NPRL2: variants seen among roughly 807,000 people sequenced by gnomAD.
The protein encoded by NPRL2 is GATOR1 complex protein NPRL2.
In NPRL2, 21 loss-of-function variants were observed where a neutral mutation model predicts 51.1. The ratio of observed to expected loss-of-function variants is 0.41; its 90% CI spans 0.29 to 0.59. The LOEUF is 0.59. Among genes scored for constraint, NPRL2 ranks in the 20% least tolerant of loss-of-function variants. The pLI, the probability that NPRL2 is intolerant of heterozygous loss-of-function variation, is 0.29. For synonymous variants in NPRL2, 175 were observed against 187.8 expected, an observed-to-expected ratio of 0.93 and a Z score of 0.56; for missense variants, 376 against 483.4, an observed-to-expected ratio of 0.78 and a Z score of 2.08.
At position 50,349,082 on chromosome 3, in the gene NPRL2, C is replaced by T. The variant is rs1703657880; in HGVS notation, c.449-72G>A. On this transcript the variant is annotated intron_variant, in intron 4 of 10. Transcript: ENST00000232501. The surrounding 1 kb of genome is among the most constrained non-coding windows in gnomAD (Gnocchi z 4.6). ...GTCCTCAATTACCATCCAGGCCTCC[C>T]AGCATCCCTTGGGGCAAGCAGGTGC... 1.9e-6 allele frequency: 3 copies of T among 1,559,524 alleles called. No individual in the cohort carries two copies. The highest frequency in any genetic ancestry group is 1.8e-5 in the Admixed American group (1 of 55,252).
In NPRL2 at chr3:50,348,994, G is replaced by A. The variant is rs750292947; in HGVS notation, c.465C>T (p.Ile155=). The A allele has an allele frequency of 8.1e-6, 13 of 1,613,970 alleles. No homozygotes were observed. The Admixed American group carries it at 2.2e-4, about 27-fold the overall frequency. Residue 155 remains isoleucine (I), a synonymous_variant, in exon 5 of 11, where the codon ATC becomes ATT. Transcript: ENST00000232501. The surrounding 1 kb of genome is among the most constrained non-coding windows in gnomAD (Gnocchi z 5.8). The part of the protein sequence containing the change: ...CTLPIDESNT[I]HLKVIEQRPD... Reference sequence around the variant, plus strand: ...GCCGCTGCTCAATCACCTTCAAGTGGATGGTGTTGGACTCATCTGCAGGGG... The same window carrying A: ...GCCGCTGCTCAATCACCTTCAAGTGAATGGTGTTGGACTCATCTGCAGGGG...
rs936806511 is a variant in NPRL2, at chr3:50,348,297, C to T, written c.814+20G>A. On this transcript the variant is annotated intron_variant, in intron 8 of 10. Transcript: ENST00000232501. This position sits in a 1 kb window ranked among gnomAD's most constrained non-coding sequence, Gnocchi z 5.8. ...GGCCCTGCCCTCCCCAAGATGGCTT[C>T]CCCCAGAACCCACCACTACCTTGCT... 2 of 1,613,678 alleles carry T rather than the reference C, an allele frequency of 1.2e-6. No homozygotes were observed. Among genetic ancestry groups the T allele is most frequent in the African/African-American group, 1.3e-5 (1 of 74,922 alleles).
chr3:50,349,639 A>T lies in NPRL2; in HGVS notation c.339+26T>A, dbSNP rs368301992. ...ACCTTCCCCAACTCTGCCTGTCGGT[A>T]AACCCAAGCCCATCTCATTGCAGAC... On this transcript the variant is annotated intron_variant, in intron 3 of 10. Coordinates refer to ENST00000232501, the MANE Select transcript of NPRL2 (RefSeq NM_006545.5). This position sits in a 1 kb window ranked among gnomAD's most constrained non-coding sequence, Gnocchi z 4.6. The T allele has an allele frequency of 8.7e-6, 14 of 1,603,428 alleles. No homozygotes were observed. Among genetic ancestry groups the T allele is most frequent in the Non-Finnish European group, 1.2e-5 (14 of 1,172,028 alleles).
At position 50,350,061 on chromosome 3, in the gene NPRL2, C is replaced by G; in HGVS notation, c.79-39G>C. The G allele has an allele frequency of 6.5e-7, 1 of 1,536,096 alleles. No individual in the cohort carries two copies. The highest frequency in any genetic ancestry group is 9.0e-7 in the Non-Finnish European group (1 of 1,111,208). On this transcript the variant is annotated intron_variant, in intron 1 of 10. Transcript: ENST00000232501. The surrounding 1 kb of genome is among the most constrained non-coding windows in gnomAD (Gnocchi z 5.7). ...TGGCAATGGGCCCCTCAGTGGACAT[C>G]TGTACTGGGTGTAGTACAAATGGTG...
Position 50,349,411 on chromosome 3 carries a change from G to A in NPRL2, c.423C>T (p.Ala141=), listed in dbSNP as rs1408330381. 2 of 1,613,666 alleles carry A rather than the reference G, an allele frequency of 1.2e-6. No homozygotes were observed. Among genetic ancestry groups the A allele is most frequent in the Non-Finnish European group, 8.5e-7 (1 of 1,179,980 alleles). ...CAATGGGCAGAGTGCACCGGCCTGA[G>A]GCATTTAGCTCCTCCAGCAAGATGG... ...IMTILLEELN[A]SGRCTLPIDE... Residue 141 remains alanine (A), a synonymous_variant, in exon 4 of 11, where the codon GCC becomes GCT. Transcript: ENST00000232501. The surrounding 1 kb of genome is among the most constrained non-coding windows in gnomAD (Gnocchi z 4.6).
In NPRL2 at chr3:50,348,682, C is replaced by T. The variant is rs1703641991; in HGVS notation, c.683+3G>A. ...TCCCAGGTATGACTGTAGGCCCACT[C>T]ACAGCAGGTTCTGGATAGCAATGCG... is the stretch of plus-strand genomic sequence containing the variant. On this transcript the variant is annotated splice_donor_region_variant and intron_variant, in intron 6 of 10. Transcript: ENST00000232501. The surrounding 1 kb of genome is among the most constrained non-coding windows in gnomAD (Gnocchi z 5.8). 6.2e-7 allele frequency: 1 copy of T among 1,614,038 alleles called. No homozygotes were observed. Among genetic ancestry groups the T allele is most frequent in the Non-Finnish European group, 8.5e-7 (1 of 1,180,028 alleles).
In NPRL2 at chr3:50,350,470, A is replaced by T. The variant is rs1703720008; in HGVS notation, c.78+105T>A. ...TAGCCTCACAGTTGTCTGCGAATGA[A>T]GCAGCATGCCTGCGTGCAGCACGGG... is the stretch of plus-strand genomic sequence containing the variant. On this transcript the variant is annotated intron_variant, in intron 1 of 10. Transcript: ENST00000232501. The surrounding 1 kb of genome is among the most constrained non-coding windows in gnomAD (Gnocchi z 5.7). 1 of 1,187,152 alleles carries T rather than the reference A, an allele frequency of 8.4e-7. No homozygotes were observed. Among genetic ancestry groups the T allele is most frequent in the Non-Finnish European group, 1.2e-6 (1 of 838,990 alleles). 73.5% of individuals were successfully genotyped at this position (1,187,152 alleles called of 1,614,324 possible). A position where few individuals can be genotyped will look rare whatever the true frequency, so the allele number is the denominator to read the frequency against.
At position 50,348,554 on chromosome 3, in the gene NPRL2, G is replaced by A. The variant is rs1350596320; in HGVS notation, c.693C>T (p.Gly231=). Residue 231 remains glycine (G), a synonymous_variant, in exon 7 of 11, where the codon GGC becomes GGT. Coordinates refer to ENST00000232501, the MANE Select transcript of NPRL2 (RefSeq NM_006545.5). The surrounding 1 kb of genome is among the most constrained non-coding windows in gnomAD (Gnocchi z 5.8). ...GGAGGATGGACACCAGTGTCACAAC[G>A]CCGTAGTACCTGAGAGAGAGAGCTG... ...RIAIQNLLYY[G]VVTLVSILQY... 4.3e-6 allele frequency: 7 copies of A among 1,614,074 alleles called. No homozygotes were observed. The highest frequency in any genetic ancestry group is 2.2e-5 in the East Asian group (1 of 44,888).
In NPRL2 at chr3:50,349,815, C is replaced by T. The variant is rs763703092; in HGVS notation, c.189G>A (p.Lys63=). Residue 63 remains lysine, a synonymous_variant, in exon 3 of 11, where the codon AAG becomes AAA. Coordinates refer to ENST00000232501, the MANE Select transcript of NPRL2 (RefSeq NM_006545.5). This position sits in a 1 kb window ranked among gnomAD's most constrained non-coding sequence, Gnocchi z 4.6. ...CGATGCACACAGGACAGCCGATCAG[C>T]TTCTTTTCCATAGCTGTGCTGGATA... is the stretch of plus-strand genomic sequence containing the variant. ...KLITVTAMEK[K]LIGCPVCIEH... The T allele has an allele frequency of 6.2e-6, 10 of 1,612,364 alleles. No individual in the cohort carries two copies. The highest frequency in any genetic ancestry group is 7.6e-6 in the Non-Finnish European group (9 of 1,178,720).
chr3:50,350,282 T>C lies in NPRL2; in HGVS notation c.79-260A>G, dbSNP rs1703712610. 1 of 597,550 alleles carries C rather than the reference T, an allele frequency of 1.7e-6. No homozygotes were observed. The highest frequency in any genetic ancestry group is 3.0e-6 in the Non-Finnish European group (1 of 336,860). The allele number at this position is 597,550 out of a possible 1,614,324, so 37.0% of individuals were successfully genotyped here. ...TAAACTTCCTATGCATCATTTACTCTTCACTCAGTTCAGGGATACTCATGG... is the reference window on the plus strand; with the variant it reads ...TAAACTTCCTATGCATCATTTACTCCTCACTCAGTTCAGGGATACTCATGG... On this transcript the variant is annotated intron_variant, in intron 1 of 10. Coordinates refer to ENST00000232501, the MANE Select transcript of NPRL2 (RefSeq NM_006545.5). The surrounding 1 kb of genome is among the most constrained non-coding windows in gnomAD (Gnocchi z 5.7).
chr3:50,349,857 GCCC>G lies in NPRL2; in HGVS notation c.171-27_171-25del. Reference sequence around the variant, plus strand: ...TGCTGGATAATTGGAACACAGTCAGGCCCCCAAGCCTGTCCCTTCCTCCTCCTG... The same window carrying G: ...TGCTGGATAATTGGAACACAGTCAGGCCAAGCCTGTCCCTTCCTCCTCCTG... On this transcript the variant is annotated intron_variant, in intron 2 of 10. Coordinates refer to ENST00000232501, the MANE Select transcript of NPRL2 (RefSeq NM_006545.5). The surrounding 1 kb of genome is among the most constrained non-coding windows in gnomAD (Gnocchi z 4.6). 1 of 1,611,820 alleles carries G rather than the reference GCCC, an allele frequency of 6.2e-7. No individual in the cohort carries two copies. The highest frequency in any genetic ancestry group is 8.5e-7 in the Non-Finnish European group (1 of 1,178,464).
rs1703705003 is a variant in NPRL2, at chr3:50,350,072, G to A, written c.79-50C>T. On this transcript the variant is annotated intron_variant, in intron 1 of 10. Transcript: ENST00000232501. This position sits in a 1 kb window ranked among gnomAD's most constrained non-coding sequence, Gnocchi z 5.7. ...CCCTCAGTGGACATCTGTACTGGGT[G>A]TAGTACAAATGGTGACCTCCTCATG... The A allele has an allele frequency of 6.7e-7, 1 of 1,484,556 alleles. No individual in the cohort carries two copies. Among genetic ancestry groups the A allele is most frequent in the Non-Finnish European group, 9.4e-7 (1 of 1,065,578 alleles). 92.0% of individuals were successfully genotyped at this position (1,484,556 alleles called of 1,614,324 possible). A position where few individuals can be genotyped will look rare whatever the true frequency, so the allele number is the denominator to read the frequency against.
In NPRL2 at chr3:50,348,556, C is replaced by T. The variant is rs754424831; in HGVS notation, c.691G>A (p.Gly231Ser). Residue 231 changes from glycine to serine, a missense_variant, in exon 7 of 11, where the codon GGC becomes AGC. By Grantham distance (56) the Gly-to-Ser change is moderately conservative (BLOSUM62 0). Coordinates refer to ENST00000232501, the MANE Select transcript of NPRL2 (RefSeq NM_006545.5). This position sits in a 1 kb window ranked among gnomAD's most constrained non-coding sequence, Gnocchi z 5.8. ...AGGATGGACACCAGTGTCACAACGCCGTAGTACCTGAGAGAGAGAGCTGTG... is the reference window on the plus strand; with the variant it reads ...AGGATGGACACCAGTGTCACAACGCTGTAGTACCTGAGAGAGAGAGCTGTG... ...RIAIQNLLYY[G>S]VVTLVSILQY... 18 of 1,613,978 alleles carry T rather than the reference C, an allele frequency of 1.1e-5. No individual in the cohort carries two copies. The highest frequency in any genetic ancestry group is 1.6e-4 in the Middle Eastern group (1 of 6,084).
chr3:50,349,209 C>A lies in NPRL2; in HGVS notation c.448+177G>T, dbSNP rs587704291. The stretch of plus-strand genomic sequence containing the variant: ...GGCAGAGCTGGAGAGCTCTGCTTTC[C>A]CCCTACCCCCAGTCCCAGCTCCATC... On this transcript the variant is annotated intron_variant, in intron 4 of 10. Coordinates refer to ENST00000232501, the MANE Select transcript of NPRL2 (RefSeq NM_006545.5). This position sits in a 1 kb window ranked among gnomAD's most constrained non-coding sequence, Gnocchi z 4.6. The A allele has an allele frequency of 1.3e-5, 11 of 839,662 alleles. No individual in the cohort carries two copies. In the African/African-American group the frequency reaches 1.9e-4, roughly 14 times the overall value. The allele number at this position is 839,662 out of a possible 1,614,324, so 52.0% of individuals were successfully genotyped here. A position where few individuals can be genotyped will look rare whatever the true frequency, so the allele number is the denominator to read the frequency against.
rs754252946 is a variant in NPRL2 at position 50,350,540 on chromosome 3, C to T, written c.78+35G>A. Reference sequence around the variant, plus strand: ...GCCAGTTGAGCTCTCGAGAACGTCCCTCTTCCCGCCCAGTCCCGCGAGCCC... The same window carrying T: ...GCCAGTTGAGCTCTCGAGAACGTCCTTCTTCCCGCCCAGTCCCGCGAGCCC... On this transcript the variant is annotated intron_variant, in intron 1 of 10. Transcript: ENST00000232501. The surrounding 1 kb of genome is among the most constrained non-coding windows in gnomAD (Gnocchi z 5.7). The T allele has an allele frequency of 1.9e-6, 3 of 1,578,156 alleles. No homozygotes were observed. Among genetic ancestry groups the T allele is most frequent in the African/African-American group, 2.7e-5 (2 of 74,106 alleles).
rs1194936985 is a variant in NPRL2, at chr3:50,349,846, AAC to A, written c.171-15_171-14del. On this transcript the variant is annotated splice_polypyrimidine_tract_variant and intron_variant, in intron 2 of 10. Transcript: ENST00000232501. This position sits in a 1 kb window ranked among gnomAD's most constrained non-coding sequence, Gnocchi z 4.6. Reference sequence around the variant, plus strand: ...TTCCATAGCTGTGCTGGATAATTGGAACACAGTCAGGCCCCCAAGCCTGTCCC... The same window carrying A: ...TTCCATAGCTGTGCTGGATAATTGGAACAGTCAGGCCCCCAAGCCTGTCCC... The A allele has an allele frequency of 1.2e-6, 2 of 1,611,696 alleles. No homozygotes were observed. The highest frequency in any genetic ancestry group is 1.6e-4 in the Middle Eastern group (1 of 6,080).
rs1559855849 is a variant in NPRL2 at position 50,348,259 on chromosome 3, C to T, written c.815-18G>A. 3.1e-6 allele frequency: 5 copies of T among 1,613,706 alleles called. No homozygotes were observed. In the Admixed American group the frequency reaches 6.7e-5, roughly 22 times the overall value. ...CTTGTGCCCTGTGGGTGCCAGGGATCAGCTCATCATGTGGCCCTGCCCTCC... is the reference window on the plus strand; with the variant it reads ...CTTGTGCCCTGTGGGTGCCAGGGATTAGCTCATCATGTGGCCCTGCCCTCC... On this transcript the variant is annotated intron_variant, in intron 8 of 10. Transcript: ENST00000232501. The surrounding 1 kb of genome is among the most constrained non-coding windows in gnomAD (Gnocchi z 5.8).
In NPRL2 at chr3:50,350,688, C is replaced by T. The variant is rs1416141622; in HGVS notation, c.-36G>A. The T allele has an allele frequency of 1.9e-6, 3 of 1,576,518 alleles. No individual in the cohort carries two copies. The highest frequency in any genetic ancestry group is 1.8e-5 in the Admixed American group (1 of 55,220). ...GGGCCCAGGCCCGTAGCTCCTCGTT[C>T]CTCGCGCAGAGGCGTCCCCACCTCC... is the stretch of plus-strand genomic sequence containing the variant. On this transcript the variant is annotated 5_prime_UTR_variant, in exon 1 of 11. Transcript: ENST00000232501. This position sits in a 1 kb window ranked among gnomAD's most constrained non-coding sequence, Gnocchi z 5.7.
Position 50,350,775 on chromosome 3 carries a change from T to A in NPRL2, c.-123A>T. The A allele has an allele frequency of 2.0e-6, 3 of 1,478,832 alleles. No individual in the cohort carries two copies. The highest frequency in any genetic ancestry group is 2.7e-6 in the Non-Finnish European group (3 of 1,116,438). 91.6% of individuals were successfully genotyped at this position (1,478,832 alleles called of 1,614,324 possible). A position where few individuals can be genotyped will look rare whatever the true frequency, so the allele number is the denominator to read the frequency against. On this transcript the variant is annotated 5_prime_UTR_variant, in exon 1 of 11. Coordinates refer to ENST00000232501, the MANE Select transcript of NPRL2 (RefSeq NM_006545.5). The surrounding 1 kb of genome is among the most constrained non-coding windows in gnomAD (Gnocchi z 5.7). Reference sequence around the variant, plus strand: ...TCGCTGGGGCACGCAAGCTTGCCAATCCCTCTGCCCAATGGCGCCTGCGCA... The same window carrying A: ...TCGCTGGGGCACGCAAGCTTGCCAAACCCTCTGCCCAATGGCGCCTGCGCA...
Sources: allele counts gnomAD v4.1 joint callset, GRCh38; gene constraint gnomAD v4.1.1; non-coding constraint Gnocchi (gnomAD v3.1); transcripts MANE v1.5; gene names NCBI Gene and HGNC (gene_info 2026-07-23, HGNC 2026-07-21).